M1AP: variants seen among roughly 807,000 people sequenced by gnomAD.
M1AP encodes meiosis 1 arrest protein.
A neutral mutation model predicts 51.2 loss-of-function variants in M1AP; 39 were observed. The ratio of observed to expected loss-of-function variants is 0.76; its 90% CI spans 0.59 to 1.00. M1AP has a LOEUF of 1.00. Among genes scored for constraint, M1AP ranks in the 50% least tolerant of loss-of-function variants. M1AP has a pLI of 0.00. For missense variants in M1AP, 545 were observed against 641.2 expected, an observed-to-expected ratio of 0.85 and a Z score of 1.62; for synonymous variants, 251 against 249.2, an observed-to-expected ratio of 1.01 and a Z score of -0.07.
intron 4 of M1AP, among the ~76,000 whole-genome samples, chr2:74,605,382 T>C (rs1420138019): frequency 1.3e-5 from 2 of 152,206 alleles, no homozygotes; most frequent in Admixed American, 6.5e-5. Flanking sequence ...TACTAAAATA[T>C]AAAACTTTTT....
chr2:74,646,568 T>A (rs1339562964), intron 1 of M1AP, among the ~76,000 whole-genome samples: 5 of 152,184 alleles, frequency 3.3e-5, no homozygotes, highest in Non-Finnish European at 7.4e-5. Context: ...GTACAAAGGA[T>A]AAAATGTAGG....
At position 74,581,834 on chromosome 2, in the gene M1AP, C is replaced by T. The variant is rs1402162340; in HGVS notation, c.609G>A (p.Leu203=). ...TAGTCTGAAGGTCAATGTCAGTTCCCAGAATAGAACTCTCTGCAAAAGAAA... is the reference window on the plus strand; with the variant it reads ...TAGTCTGAAGGTCAATGTCAGTTCCTAGAATAGAACTCTCTGCAAAAGAAA... ...EDTSNDESSI[L]GTDIDLQTID... is the part of the protein sequence containing the mutation. The change falls in exon 5 of 11, where the codon CTG becomes CTA. Residue 203 remains leucine, a synonymous_variant. Transcript: ENST00000421985. The T allele has an allele frequency of 2.5e-6, 4 of 1,611,898 alleles. No homozygotes were observed. The highest frequency in any genetic ancestry group is 3.4e-6 in the Non-Finnish European group (4 of 1,178,710).
At chr2:74,562,496 A>G in intron 7 of M1AP, 73 bp from the exon 8 acceptor site, 1 of 1,550,950 alleles carries the variant, frequency 6.4e-7, no homozygotes, top group Non-Finnish European at 8.8e-7. Flanking sequence ...GTCCCAATTG[A>G]AGTTTCCCTG....
chr2:74,560,982 G>A (rs1256846088), intron 8 of M1AP, among the ~76,000 whole-genome samples: 1 of 151,540 alleles, frequency 6.6e-6, no homozygotes, highest in African/African-American at 2.4e-5. Flanking sequence ...TTAGCCTGGG[G>A]AGACTAGCAG....
intron 2 of M1AP, among the ~76,000 whole-genome samples, chr2:74,633,396 T>C (rs1682809790): frequency 1.3e-5 from 2 of 152,174 alleles, no homozygotes; most frequent in Admixed American, 6.5e-5. Context: ...CAGTATCTGA[T>C]TGGGTTCCTC....
chr2:74,559,853 T>C, intron 9 of M1AP, 144 bp from the exon 10 acceptor site: 3 of 673,456 alleles, frequency 4.5e-6, no homozygotes, highest in Non-Finnish European at 8.2e-6. Flanking sequence ...TCACGAGGAC[T>C]GTGGTTATAG....
chr2:74,633,491 C>CCTTA (rs1404799948), intron 2 of M1AP, among the ~76,000 whole-genome samples: 1 of 152,098 alleles, frequency 6.6e-6, no homozygotes, highest in Non-Finnish European at 1.5e-5. Flanking sequence ...CCAGAATTCC[C>CCTTA]CTTACCCCTG....
At chr2:74,642,685 T>C (rs1683361384) in intron 1 of M1AP, among the ~76,000 whole-genome samples, 4 of 152,208 alleles carry the variant, frequency 2.6e-5, no homozygotes, top group Admixed American at 2.0e-4. Flanking sequence ...ATTGTGTATA[T>C]AGAAAATCTA....
chr2:74,607,765 T>C (rs1350829602), intron 3 of M1AP, among the ~76,000 whole-genome samples: 1 of 152,162 alleles, frequency 6.6e-6, no homozygotes, highest in Non-Finnish European at 1.5e-5. Flanking sequence ...TGAGCCACCA[T>C]GACTGGCCAC....
Position 74,620,265 on chromosome 2 carries a change from T to C in M1AP, c.241-5116A>G, listed in dbSNP as rs1681925215. Among the ~76,000 whole-genome samples the C allele has an allele frequency of 2.0e-5, 3 of 152,212 alleles. No homozygotes were observed. In the South Asian group the frequency reaches 6.2e-4, roughly 32 times the overall value. On this transcript the variant is annotated intron_variant, in intron 2 of 10. Coordinates refer to ENST00000421985, the MANE Select transcript of M1AP (RefSeq NM_001321739.2). The stretch of plus-strand genomic sequence containing the variant: ...GAGAAACAGTGTCAATGTTCAGTTA[T>C]TTGAGGCTTTCTTTGAAGAAAGCAA...
intron 4 of M1AP, among the ~76,000 whole-genome samples, chr2:74,595,324 T>G (rs1287065558): frequency 4.6e-5 from 7 of 151,990 alleles, no homozygotes; most frequent in Admixed American, 4.6e-4. Flanking sequence ...CCTCTTAAGT[T>G]TTTTAAAATA....
chr2:74,606,385 A>T (rs1434086631), intron 4 of M1AP, among the ~76,000 whole-genome samples: 1 of 152,202 alleles, frequency 6.6e-6, no homozygotes, highest in Non-Finnish European at 1.5e-5. Flanking sequence ...ATAATACTAA[A>T]ATGTAATAAA....
intron 2 of M1AP, among the ~76,000 whole-genome samples, chr2:74,620,541 T>C (rs1359220222): frequency 2.0e-5 from 3 of 152,098 alleles, no homozygotes; most frequent in African/African-American, 7.2e-5. Flanking sequence ...GTTGGGAAAT[T>C]TGGGTTCAAG....
At chr2:74,581,906 A>C (rs907330103) in intron 4 of M1AP, 59 bp from the exon 5 acceptor site, 1 of 1,484,738 alleles carries the variant, frequency 6.7e-7, no homozygotes, top group African/African-American at 1.4e-5. Context: ...GTAATATAAA[A>C]TTTTGAACAC....
chr2:74,597,851 ATTAC>A (rs1680431841), intron 4 of M1AP, among the ~76,000 whole-genome samples: 1 of 152,172 alleles, frequency 6.6e-6, no homozygotes, highest in Admixed American at 6.5e-5. Context: ...TGACATATTT[ATTAC>A]TTAGTCATTC....
intron 2 of M1AP, among the ~76,000 whole-genome samples, chr2:74,630,580 G>A (rs1007049767): frequency 2.6e-5 from 4 of 152,156 alleles, no homozygotes; most frequent in Admixed American, 6.5e-5. Flanking sequence ...AGAACATGCC[G>A]TCTTTGGTTT....
intron 4 of M1AP, among the ~76,000 whole-genome samples, chr2:74,600,005 T>C (rs920174826): frequency 2.0e-5 from 3 of 152,142 alleles, no homozygotes; most frequent in African/African-American, 7.2e-5. Context: ...CAGGCTGGTC[T>C]CAAACTTCTG....
intron 4 of M1AP, among the ~76,000 whole-genome samples, chr2:74,584,769 G>A (rs1295073630): frequency 5.4e-5 from 8 of 148,460 alleles, no homozygotes; most frequent in Non-Finnish European, 5.9e-5. Context: ...TATTGTCCAA[G>A]GCAAGATTTG....
intron 4 of M1AP, among the ~76,000 whole-genome samples, chr2:74,586,439 A>ACTTC (rs1679713818): frequency 2.0e-5 from 3 of 151,980 alleles, no homozygotes; most frequent in South Asian, 4.2e-4. Flanking sequence ...TTGCCACATG[A>ACTTC]CTTCCTTCCT....
Sources: gnomAD v4.1 joint callset for allele counts (sites outside exome capture counted in the v4.1 genomes callset) on GRCh38, gnomAD v4.1.1 for gene constraint, MANE v1.5 for transcripts, NCBI Gene and HGNC (gene_info 2026-07-23, HGNC 2026-07-21) for gene names.